Variants in PLD5 observed in about 807,000 individuals in gnomAD.
PLD5 encodes phospholipase D family member 5.
PLD5 carries 36 observed loss-of-function variants against 61.1 expected under a neutral mutation model. The observed-to-expected ratio is 0.59, with a 90% CI of 0.45 to 0.78. The LOEUF is 0.78. Among genes scored for constraint, PLD5 ranks in the 30% least tolerant of loss-of-function variants. The pLI is 0.00. For synonymous variants in PLD5, 243 were observed against 242.8 expected, an observed-to-expected ratio of 1.00 and a Z score of -0.01; for missense variants, 515 against 644.4, an observed-to-expected ratio of 0.80 and a Z score of 2.17.
intron 2 of PLD5, among the ~76,000 whole-genome samples, chr1:242,338,141 C>A (rs1322724526): frequency 2.0e-5 from 3 of 152,082 alleles, no homozygotes; most frequent in East Asian, 3.9e-4. Flanking sequence ...GTGACCATGG[C>A]AATTACTTTA....
At chr1:242,389,053 C>CAA (rs58079845) in intron 1 of PLD5, among the ~76,000 whole-genome samples, 4 of 120,980 alleles carry the variant, frequency 3.3e-5, no homozygotes, top group Non-Finnish European at 5.2e-5. Flanking sequence ...GACTCCATCT[C>CAA]AAAAAAAAAA....
intron 1 of PLD5, among the ~76,000 whole-genome samples, chr1:242,388,853 G>A (rs1662753700): frequency 6.6e-6 from 1 of 152,110 alleles, no homozygotes; most frequent in Non-Finnish European, 1.5e-5. Context: ...CTACTCAGGA[G>A]CCTGAGGCAG....
chr1:242,491,626 C>T (rs1285283291), intron 1 of PLD5, among the ~76,000 whole-genome samples: 2 of 152,140 alleles, frequency 1.3e-5, no homozygotes, highest in South Asian at 2.1e-4. Flanking sequence ...TTCCAGATAT[C>T]CCATTGTTTT....
chr1:242,100,615 T>A, intron 9 of PLD5, 53 bp downstream of exon 9: 4 of 1,339,860 alleles, frequency 3.0e-6, no homozygotes, highest in South Asian at 1.2e-5. Context: ...ACAGCTGGAC[T>A]ACCACTCCCT....
At chr1:242,208,966 C>T (rs1218395363) in intron 5 of PLD5, 2 of 152,154 alleles carry the variant, frequency 1.3e-5, no homozygotes, top group Admixed American at 6.6e-5. Flanking sequence ...GACCAATAAA[C>T]CTATTGAACC....
At chr1:242,372,287 C>G (rs1184788966) in intron 1 of PLD5, among the ~76,000 whole-genome samples, 1 of 152,154 alleles carries the variant, frequency 6.6e-6, no homozygotes, top group African/African-American at 2.4e-5. Context: ...TCTCTAAAAG[C>G]CCTGCTTTGT....
chr1:242,497,598 G>A lies in PLD5; in HGVS notation c.189+26490C>T, dbSNP rs541096108. Among the ~76,000 whole-genome samples the A allele has an allele frequency of 9.2e-5, 14 of 152,272 alleles. No individual in the cohort carries two copies. In the East Asian group the frequency reaches 1.9e-3, roughly 21 times the overall value. ...TCTCCACATATGGCTGTTTAACTTC[G>A]CTAAACCTCTGTTTTCTAAGCATGA... On this transcript the variant is annotated intron_variant, in intron 1 of 9. Coordinates refer to ENST00000536534, the MANE Select transcript of PLD5 (RefSeq NM_001372062.1).
chr1:242,525,120 A>C (rs956635827), upstream of PLD5, among the ~76,000 whole-genome samples: 4 of 137,806 alleles, frequency 2.9e-5, no homozygotes, highest in Non-Finnish European at 6.1e-5. Context: ...TTCCCACCCC[A>C]AGGGACTTAG....
Position 242,089,289 on chromosome 1 carries a change from A to G in PLD5, c.*565T>C. The stretch of plus-strand genomic sequence containing the variant: ...AGAAGAGAAAATGATACCAAATAAA[A>G]CTTATGGTATAAGAAGAAAATGAGC... On this transcript the variant is annotated 3_prime_UTR_variant, in exon 10 of 10. Transcript: ENST00000536534. 2 of 399,296 alleles carry G rather than the reference A, an allele frequency of 5.0e-6. No individual in the cohort carries two copies. The highest frequency in any genetic ancestry group is 8.8e-6 in the Non-Finnish European group (2 of 226,588). 24.7% of individuals were successfully genotyped at this position (399,296 alleles called of 1,614,324 possible).
chr1:242,124,646 A>G lies in PLD5; in HGVS notation c.755T>C (p.Ile252Thr). The part of the protein sequence containing the change: ...SLGQMKELGV[I>T]FYNCSCLVLD... ...GACCAGGCAGCTGCAGTTGTAGAAG[A>G]TGACACCGAGTTCTTTCATCTGTGA... Residue 252 changes from isoleucine (I) to threonine (T), a missense_variant, in exon 6 of 10, where the codon ATC becomes ACC. This residue lies in a region of PLD5 where 450 missense variants were observed against 598.1 expected (regional missense o/e 0.75). Coordinates refer to ENST00000536534, the MANE Select transcript of PLD5 (RefSeq NM_001372062.1). 6.2e-7 allele frequency: 1 copy of G among 1,613,660 alleles called. No individual in the cohort carries two copies. The highest frequency in any genetic ancestry group is 8.5e-7 in the Non-Finnish European group (1 of 1,179,664).
At chr1:242,328,248 G>T (rs541550389) in intron 2 of PLD5, among the ~76,000 whole-genome samples, 1 of 151,100 alleles carries the variant, frequency 6.6e-6, no homozygotes, top group South Asian at 2.1e-4. Flanking sequence ...TTATCAAGAT[G>T]AACATATATA....
chr1:242,468,423 G>C (rs1349940176), intron 1 of PLD5, among the ~76,000 whole-genome samples: 1 of 151,912 alleles, frequency 6.6e-6, no homozygotes, highest in Non-Finnish European at 1.5e-5. Context: ...AGTAATTTGG[G>C]GGCAAAGTAA....
rs182970971 is a variant in PLD5, at chr1:242,160,839, C to T, written c.736-36174G>A. Among the ~76,000 whole-genome samples, 422 of 151,420 alleles carry T rather than the reference C, an allele frequency of 2.8e-3. 1 individual carries two copies. Among genetic ancestry groups the T allele is most frequent in the Middle Eastern group, 0.014 (4 of 294 alleles). On this transcript the variant is annotated intron_variant, in intron 5 of 9. Transcript: ENST00000536534. ...GATGGAGGTTGCAGTGAGCTTTGATCGAGCCACTGCACTCCAGCCTGAGCA... is the reference window on the plus strand; with the variant it reads ...GATGGAGGTTGCAGTGAGCTTTGATTGAGCCACTGCACTCCAGCCTGAGCA...
At chr1:242,337,577 G>A (rs1171246414) in intron 2 of PLD5, among the ~76,000 whole-genome samples, 1 of 152,188 alleles carries the variant, frequency 6.6e-6, no homozygotes, top group Non-Finnish European at 1.5e-5. Context: ...GTTGCAGTGA[G>A]CCAAGACCAT....
chr1:242,383,218 A>G (rs1291784951), intron 1 of PLD5, among the ~76,000 whole-genome samples: 1 of 151,974 alleles, frequency 6.6e-6, no homozygotes. Flanking sequence ...TTTTGCTTTT[A>G]TAATTATTTT....
At chr1:242,322,660 G>A (rs190195908) in intron 2 of PLD5, among the ~76,000 whole-genome samples, 219 of 152,274 alleles carry the variant, frequency 1.4e-3, no homozygotes, top group African/African-American at 5.0e-3. Flanking sequence ...TAGTGAGTGA[G>A]TTCTCACAAG....
intron 1 of PLD5, among the ~76,000 whole-genome samples, chr1:242,508,506 G>C (rs993144147): frequency 6.6e-6 from 1 of 152,120 alleles, no homozygotes; most frequent in Non-Finnish European, 1.5e-5. Flanking sequence ...CTGTACTTCC[G>C]ACAAGCACAT....
chr1:242,490,686 AT>A lies in PLD5; in HGVS notation c.189+33401del, dbSNP rs1329678333. 2.0e-5 allele frequency among the ~76,000 whole-genome samples: 3 copies of A among 152,212 alleles called. No homozygotes were observed. The East Asian group carries it at 5.8e-4, about 29-fold the overall frequency. On this transcript the variant is annotated intron_variant, in intron 1 of 9. Coordinates refer to ENST00000536534, the MANE Select transcript of PLD5 (RefSeq NM_001372062.1). Reference sequence around the variant, plus strand: ...ACCTTTGTGTAGAACCCACATCTGCATTACAGAATTCCTCAATGTTCATCTC... The same window carrying A: ...ACCTTTGTGTAGAACCCACATCTGCATACAGAATTCCTCAATGTTCATCTC...
chr1:242,112,917 T>C (rs1661642028), intron 7 of PLD5, among the ~76,000 whole-genome samples: 1 of 152,200 alleles, frequency 6.6e-6, no homozygotes, highest in Non-Finnish European at 1.5e-5. Context: ...ATGCAATGAT[T>C]TCCCAAAGAG....
Sources: gnomAD v4.1 joint callset for allele counts (sites outside exome capture counted in the v4.1 genomes callset) on GRCh38, gnomAD v4.1.1 for gene constraint, gnomAD v4.1.1 regional missense constraint, MANE v1.5 for transcripts, NCBI Gene and HGNC (gene_info 2026-07-23, HGNC 2026-07-21) for gene names.